SKIL: variants seen among roughly 807,000 people sequenced by gnomAD.
SKIL encodes ski-like protein.
Under a neutral mutation model 69.6 loss-of-function variants are expected in SKIL, and 20 were observed. The ratio of observed to expected loss-of-function variants is 0.29; its 90% CI spans 0.20 to 0.42. The LOEUF is 0.42. Ranked by LOEUF, SKIL falls within the 10% of genes least tolerant of loss-of-function variation. The pLI, the probability that SKIL is intolerant of heterozygous loss-of-function variation, is 1.00. For missense variants in SKIL, 745 were observed against 783.1 expected, an observed-to-expected ratio of 0.95 and a Z score of 0.58; for synonymous variants, 310 against 279.9, an observed-to-expected ratio of 1.11 and a Z score of -1.08.
In SKIL at chr3:170,361,360, A is replaced by G. The variant is rs1736223183; in HGVS notation, c.1029A>G (p.Lys343=). ...ACTTAGGAACACCTGAAGAAAAGAA[A>G]CTGAAGATAATTTTAGAAGAAATGA... is the stretch of plus-strand genomic sequence containing the variant. ...QKYLGTPEEK[K]LKIILEEMKE... Residue 343 remains lysine (K), a synonymous_variant, in exon 2 of 7, where the codon AAA becomes AAG. Coordinates refer to ENST00000259119, the MANE Select transcript of SKIL (RefSeq NM_005414.5). 1 of 1,608,968 alleles carries G rather than the reference A, an allele frequency of 6.2e-7. No individual in the cohort carries two copies. The highest frequency in any genetic ancestry group is 2.2e-5 in the East Asian group (1 of 44,876).
rs1174414831 is a variant in SKIL at position 170,359,705 on chromosome 3, T to G, written c.-627T>G. The G allele has an allele frequency of 6.6e-6, 1 of 152,232 alleles. No individual in the cohort carries two copies. The highest frequency in any genetic ancestry group is 2.4e-5 in the African/African-American group (1 of 41,454). The allele number at this position is 152,232 out of a possible 1,614,324, so 9.4% of individuals were successfully genotyped here. A position where few individuals can be genotyped will look rare whatever the true frequency, so the allele number is the denominator to read the frequency against. On this transcript the variant is annotated 5_prime_UTR_variant, in exon 2 of 7. In the 5' UTR this introduces an upstream ATG that the reference lacks. Transcript: ENST00000259119. ...CCCCCTTCTCTTCTTCCAGATTAAT[T>G]AAAAGAAGAATGAACTATAATCCTT...
chr3:170,377,716 T>A (rs1737104905), intron 2 of SKIL, among the ~76,000 whole-genome samples: 1 of 141,726 alleles, frequency 7.1e-6, no homozygotes, highest in African/African-American at 2.6e-5. Context: ...ACCCGACTAA[T>A]TTTTTTTTTT....
chr3:170,366,147 A>G (rs1488624725), intron 2 of SKIL, among the ~76,000 whole-genome samples: 2 of 151,000 alleles, frequency 1.3e-5, no homozygotes, highest in South Asian at 2.1e-4. Flanking sequence ...ATGATTTGAC[A>G]TGCGTATATA....
intron 2 of SKIL, among the ~76,000 whole-genome samples, chr3:170,376,169 T>C (rs368049114): frequency 6.8e-6 from 1 of 147,970 alleles, no homozygotes; most frequent in Non-Finnish European, 1.5e-5. Context: ...TGCCTCAGCC[T>C]CCCGAGTAGC....
chr3:170,364,121 C>T (rs1462194276), intron 2 of SKIL, among the ~76,000 whole-genome samples: 1 of 151,664 alleles, frequency 6.6e-6, no homozygotes, highest in Admixed American at 6.6e-5. Flanking sequence ...CAGCTAATTT[C>T]TTTTGTATTT....
rs554898337 is a variant in SKIL at position 170,380,226 on chromosome 3, T to C, written c.1099-1018T>C. The stretch of plus-strand genomic sequence containing the variant: ...GATTTAATTTGGCAAAGTATTGCTG[T>C]AGAATGGTATCTAGCTAATATGCTA... On this transcript the variant is annotated intron_variant, in intron 2 of 6. Coordinates refer to ENST00000259119, the MANE Select transcript of SKIL (RefSeq NM_005414.5). Among the ~76,000 whole-genome samples, 5 of 152,358 alleles carry C rather than the reference T, an allele frequency of 3.3e-5. No individual in the cohort carries two copies. The South Asian group carries it at 1.0e-3, about 32-fold the overall frequency.
intron 3 of SKIL, among the ~76,000 whole-genome samples, chr3:170,383,052 T>G (rs1047185151): frequency 6.6e-6 from 1 of 152,182 alleles, no homozygotes; most frequent in South Asian, 2.1e-4. Context: ...GAAATTCTTT[T>G]GAAACTAAGA....
rs1043261799 is a variant in SKIL, at chr3:170,390,404, T to C, written c.1611T>C (p.Thr537=). 3.1e-6 allele frequency: 5 copies of C among 1,612,976 alleles called. No homozygotes were observed. The Admixed American group carries it at 8.3e-5, about 27-fold the overall frequency. Residue 537 remains threonine, a synonymous_variant, in exon 5 of 7, where the codon ACT becomes ACC. Coordinates refer to ENST00000259119, the MANE Select transcript of SKIL (RefSeq NM_005414.5). ...KGKIMEEVMR[T]YLKQQEKLNL... ...AAATCATGGAAGAAGTAATGAGAAC[T>C]TATTTAAAACAACAGGAAAAACTAA... is the stretch of plus-strand genomic sequence containing the variant.
Position 170,393,974 on chromosome 3 carries a change from T to C in SKIL, c.*1557T>C, listed in dbSNP as rs915371895. The C allele has an allele frequency of 6.6e-6, 1 of 152,138 alleles. No homozygotes were observed. The highest frequency in any genetic ancestry group is 1.5e-5 in the Non-Finnish European group (1 of 68,014). 9.4% of individuals were successfully genotyped at this position (152,138 alleles called of 1,614,324 possible). A position where few individuals can be genotyped will look rare whatever the true frequency, so the allele number is the denominator to read the frequency against. On this transcript the variant is annotated 3_prime_UTR_variant, in exon 7 of 7. Coordinates refer to ENST00000259119, the MANE Select transcript of SKIL (RefSeq NM_005414.5). ...GAATTTTGTACTTCCCCAAATGTAA[T>C]TTATTTACTAAATTGAGTATAACCT...
Position 170,361,054 on chromosome 3 carries a change from A to C in SKIL, c.723A>C (p.Gln241His). ...NALLRPRTFP[Q>H]NGSVLPAKSS... ...TATTGCGGCCACGAACTTTTCCTCA[A>C]AATGGTAGCGTACTTCCTGCTAAAA... is the stretch of plus-strand genomic sequence containing the variant. Residue 241 changes from glutamine to histidine, a missense_variant, in exon 2 of 7, where the codon CAA becomes CAC. Transcript: ENST00000259119. 6.2e-7 allele frequency: 1 copy of C among 1,614,230 alleles called. No homozygotes were observed. Among genetic ancestry groups the C allele is most frequent in the Non-Finnish European group, 8.5e-7 (1 of 1,180,044 alleles).
intron 2 of SKIL, among the ~76,000 whole-genome samples, chr3:170,365,433 A>G (rs1374824816): frequency 1.3e-5 from 2 of 151,682 alleles, no homozygotes; most frequent in Non-Finnish European, 2.9e-5. Flanking sequence ...GGAAATGCTC[A>G]TTGGAGTATT....
chr3:170,390,113 G>T, intron 4 of SKIL, 110 bp from the exon 5 acceptor site: 1 of 746,228 alleles, frequency 1.3e-6, no homozygotes, highest in Non-Finnish European at 2.2e-6. Flanking sequence ...TATTTGTTTT[G>T]GTCTAATTTA....
chr3:170,383,358 A>G (rs1737457581), intron 3 of SKIL, among the ~76,000 whole-genome samples: 1 of 152,258 alleles, frequency 6.6e-6, no homozygotes, highest in Non-Finnish European at 1.5e-5. Context: ...AAAGGGGAAC[A>G]ATATAGATGT....
At chr3:170,380,009 G>C (rs951848401) in intron 2 of SKIL, among the ~76,000 whole-genome samples, 1 of 152,076 alleles carries the variant, frequency 6.6e-6, no homozygotes, top group Non-Finnish European at 1.5e-5. Context: ...CTATTTAATG[G>C]GGGATATTTG....
chr3:170,378,710 T>C (rs925797568), intron 2 of SKIL, among the ~76,000 whole-genome samples: 11 of 151,534 alleles, frequency 7.3e-5, no homozygotes, highest in Non-Finnish European at 1.3e-4. Context: ...CACCACCATG[T>C]CCAGCTAATT....
intron 2 of SKIL, among the ~76,000 whole-genome samples, chr3:170,370,819 C>T (rs11917188): frequency 0.73 from 110,119 of 151,842 alleles, 41,372 homozygotes; most frequent in East Asian, 0.84. Flanking sequence ...GTGGGGCATG[C>T]CTGTAGTCCC....
At chr3:170,370,286 A>G (rs1372586766) in intron 2 of SKIL, among the ~76,000 whole-genome samples, 1 of 152,108 alleles carries the variant, frequency 6.6e-6, no homozygotes, top group Non-Finnish European at 1.5e-5. Flanking sequence ...TCACTAACTC[A>G]TTATATTAGG....
chr3:170,376,744 T>G (rs774056668), intron 2 of SKIL, among the ~76,000 whole-genome samples: 1 of 151,996 alleles, frequency 6.6e-6, no homozygotes, highest in East Asian at 1.9e-4. Flanking sequence ...CCTGGCTAAT[T>G]TTTGTATTAT....
rs541017825 is a variant in SKIL at position 170,396,233 on chromosome 3, T to C, written c.*3816T>C. On this transcript the variant is annotated 3_prime_UTR_variant, in exon 7 of 7. Transcript: ENST00000259119. ...AAAGGAATTTATAAGATTTTTTTCC[T>C]CAATATAGATACCTCACTTGAAAAG... 8.3e-4 allele frequency: 127 copies of C among 152,244 alleles called. No homozygotes were observed. Among genetic ancestry groups the C allele is most frequent in the African/African-American group, 3.0e-3 (124 of 41,576 alleles). The allele number at this position is 152,244 out of a possible 1,614,324, so 9.4% of individuals were successfully genotyped here. A position where few individuals can be genotyped will look rare whatever the true frequency, so the allele number is the denominator to read the frequency against.
Sources: gnomAD v4.1 joint callset for allele counts (sites outside exome capture counted in the v4.1 genomes callset) on GRCh38, gnomAD v4.1.1 for gene constraint, MANE v1.5 for transcripts, NCBI Gene and HGNC (gene_info 2026-07-23, HGNC 2026-07-21) for gene names.